Variants in OTUD7B observed in about 807,000 individuals in gnomAD.
OTUD7B encodes OTU domain-containing protein 7B.
OTUD7B carries 34 observed loss-of-function variants against 82.2 expected under a neutral mutation model. That is an observed-to-expected ratio of 0.41 (90% CI 0.31 to 0.55). OTUD7B has a LOEUF of 0.55. Among genes scored for constraint, OTUD7B ranks in the 20% least tolerant of loss-of-function variants. OTUD7B has a pLI of 0.20. For missense variants in OTUD7B, 944 were observed against 1,062.1 expected, an observed-to-expected ratio of 0.89 and a Z score of 1.55; for synonymous variants, 398 against 402.7, an observed-to-expected ratio of 0.99 and a Z score of 0.14.
the OTUD7B span, among the ~76,000 whole-genome samples, chr1:150,065,854 T>TTTTTTTTTTTTTTTTTTTTTTTTGA: frequency 1.3e-5 from 2 of 152,210 alleles, no homozygotes; most frequent in African/African-American, 4.8e-5. Context: ...AAAATGTTTA[T>TTTTTTTTTTTTTTTTTTTTTTTTGA]GTTCCATATC....
chr1:150,042,231 G>T, the OTUD7B span, among the ~76,000 whole-genome samples: 4 of 150,292 alleles, frequency 2.7e-5, no homozygotes, highest in Non-Finnish European at 5.9e-5. Context: ...GGAATGCAGT[G>T]GCGCGGACTC....
chr1:149,947,508 C>T (rs1321599018), intron 10 of OTUD7B, among the ~76,000 whole-genome samples, 173 bp from the exon 11 acceptor site: 1 of 152,106 alleles, frequency 6.6e-6, no homozygotes, highest in African/African-American at 2.4e-5. Context: ...GTCACTTCAA[C>T]CTCCCTGAAA....
At chr1:150,028,934 A>G in the OTUD7B span, among the ~76,000 whole-genome samples, 1 of 152,176 alleles carries the variant, frequency 6.6e-6, no homozygotes, top group East Asian at 1.9e-4. Flanking sequence ...AGGTTCATCC[A>G]TATTGTAGCA....
At chr1:149,952,873 G>C (rs148338355) in intron 7 of OTUD7B, among the ~76,000 whole-genome samples, 2,725 of 152,214 alleles carry the variant, frequency 0.018, 66 homozygotes, top group African/African-American at 0.059. Flanking sequence ...CTGTTTATAT[G>C]CTTCGCCCAC....
In OTUD7B at chr1:149,967,355, G is replaced by C. The variant is rs1649587297; in HGVS notation, c.441C>G (p.Phe147Leu). 1 of 1,614,138 alleles carries C rather than the reference G, an allele frequency of 6.2e-7. No individual in the cohort carries two copies. The highest frequency in any genetic ancestry group is 2.2e-5 in the East Asian group (1 of 44,878). ...LPDLTVYNED[F>L]RSFIERDLIE... is the part of the protein sequence containing the mutation. ...TGAGGTCTCTCTCTATGAAGCTGCGGAAGTCTTCATTGTATACAGTGAGAT... is the reference window on the plus strand; with the variant it reads ...TGAGGTCTCTCTCTATGAAGCTGCGCAAGTCTTCATTGTATACAGTGAGAT... Residue 147 changes from phenylalanine to leucine, a missense_variant, in exon 4 of 12, where the codon TTC becomes TTG. Around this residue, in one of 3 missense-constraint regions of OTUD7B, gnomAD observed 530 missense variants for 625.6 expected, o/e 0.85. Coordinates refer to ENST00000581312, the MANE Select transcript of OTUD7B (RefSeq NM_020205.4).
chr1:149,990,949 C>T (rs1553781953), intron 1 of OTUD7B, among the ~76,000 whole-genome samples: 1 of 151,510 alleles, frequency 6.6e-6, no homozygotes, highest in Admixed American at 6.6e-5. Flanking sequence ...TGAGATCGCG[C>T]CATTGCACTC....
the OTUD7B span, among the ~76,000 whole-genome samples, chr1:150,025,977 A>C: frequency 5.3e-5 from 8 of 152,200 alleles, no homozygotes; most frequent in African/African-American, 1.9e-4. Context: ...CTGGAGCTTG[A>C]ATGGCCTTGA....
At chr1:149,949,574 C>G in intron 9 of OTUD7B, 55 bp downstream of exon 9, 1 of 1,569,454 alleles carries the variant, frequency 6.4e-7, no homozygotes, top group South Asian at 1.1e-5. Context: ...CATTAGATCT[C>G]ATTCAATTTT....
intron 7 of OTUD7B, among the ~76,000 whole-genome samples, chr1:149,951,893 C>CTG (rs1648282093): frequency 6.8e-6 from 1 of 147,916 alleles, no homozygotes; most frequent in Admixed American, 6.8e-5. Flanking sequence ...CATGGTCAAC[C>CTG]TTTTTTTTTT....
At chr1:150,035,575 T>C in the OTUD7B span, among the ~76,000 whole-genome samples, 1 of 152,202 alleles carries the variant, frequency 6.6e-6, no homozygotes, top group Non-Finnish European at 1.5e-5. Context: ...GGTTACCATA[T>C]GTATATGTTT....
chr1:150,008,189 C>A (rs1420741236), intron 1 of OTUD7B, among the ~76,000 whole-genome samples: 1 of 152,146 alleles, frequency 6.6e-6, no homozygotes. Context: ...CCCCTTTGAT[C>A]CCCATGCCCT....
intron 11 of OTUD7B, among the ~76,000 whole-genome samples, chr1:149,946,669 G>A (rs587756024): frequency 3.4e-5 from 5 of 147,674 alleles, no homozygotes; most frequent in East Asian, 2.1e-4. Flanking sequence ...TTGAACCTGG[G>A]AAGTGGAGGT....
intron 5 of OTUD7B, among the ~76,000 whole-genome samples, chr1:149,964,982 C>A (rs1352730944): frequency 2.0e-5 from 3 of 150,922 alleles, no homozygotes; most frequent in African/African-American, 4.9e-5. Context: ...CAACCTCTGG[C>A]CCCCGGATTC....
chr1:150,020,128 A>C, the OTUD7B span, among the ~76,000 whole-genome samples: 4 of 152,092 alleles, frequency 2.6e-5, no homozygotes, highest in African/African-American at 9.7e-5. Flanking sequence ...ACCCTGTCTC[A>C]AAAACAAAAC....
At chr1:150,046,614 A>ATTTT in the OTUD7B span, among the ~76,000 whole-genome samples, 1 of 135,448 alleles carries the variant, frequency 7.4e-6, no homozygotes, top group Non-Finnish European at 1.6e-5. Flanking sequence ...CACCTGGCTA[A>ATTTT]TTTTTTTTTT....
chr1:149,988,751 A>G (rs1199704137), intron 1 of OTUD7B, among the ~76,000 whole-genome samples: 1 of 152,200 alleles, frequency 6.6e-6, no homozygotes, highest in African/African-American at 2.4e-5. Context: ...GAACTGTTTT[A>G]TTCCTTTCAA....
intron 1 of OTUD7B, among the ~76,000 whole-genome samples, chr1:149,980,518 T>C (rs1334187130): frequency 2.0e-5 from 3 of 151,130 alleles, no homozygotes; most frequent in Admixed American, 2.0e-4. Flanking sequence ...GTCAGGAGTT[T>C]GAAACCAGCC....
intron 1 of OTUD7B, among the ~76,000 whole-genome samples, chr1:149,982,233 T>A (rs1650803929): frequency 9.4e-6 from 1 of 105,920 alleles, no homozygotes; most frequent in Non-Finnish European, 1.8e-5. Flanking sequence ...GGTCTCATTA[T>A]TCCCAATTTA....
At chr1:149,958,600 C>T (rs1481878051) in intron 7 of OTUD7B, among the ~76,000 whole-genome samples, 2 of 152,094 alleles carry the variant, frequency 1.3e-5, no homozygotes, top group Admixed American at 6.5e-5. Flanking sequence ...AGGCGTGAGC[C>T]ACTGCGCCTG....
Sources: allele counts gnomAD v4.1 joint callset (sites outside exome capture counted in the v4.1 genomes callset), GRCh38; gene constraint gnomAD v4.1.1; regional missense constraint gnomAD v4.1.1; transcripts MANE v1.5; gene names NCBI Gene and HGNC (gene_info 2026-07-23, HGNC 2026-07-21).